AGAP1: variants seen among roughly 807,000 people sequenced by gnomAD.
The protein encoded by AGAP1 is arf-GAP with GTPase, ANK repeat and PH domain-containing protein 1.
In AGAP1, 29 loss-of-function variants were observed where a neutral mutation model predicts 105.3. That is an observed-to-expected ratio of 0.28 (90% CI 0.21 to 0.38). AGAP1 has a LOEUF of 0.38. AGAP1 is among the 10% of genes least tolerant of loss of function. AGAP1 has a pLI of 1.00. For missense variants in AGAP1, 998 were observed against 1,165.1 expected (o/e 0.86, Z 2.09); for synonymous variants, 509 against 485.9 (o/e 1.05, Z -0.63).
intron 1 of AGAP1, among the ~76,000 whole-genome samples, chr2:235,511,072 G>A (rs545367770): frequency 2.6e-4 from 39 of 152,240 alleles, no homozygotes; most frequent in Middle Eastern, 3.4e-3. Context: ...GGCAATTTTC[G>A]GTTTGTTACA....
intron 9 of AGAP1, among the ~76,000 whole-genome samples, chr2:235,811,462 T>G (rs1958136000): frequency 6.6e-6 from 1 of 152,246 alleles, no homozygotes; most frequent in South Asian, 2.1e-4. Flanking sequence ...CGTTGTGTTG[T>G]CTCCTGAGGT....
chr2:236,051,771 A>G lies in AGAP1; in HGVS notation c.2114+2490A>G, dbSNP rs2057906017. On this transcript the variant is annotated intron_variant, in intron 16 of 17. Coordinates refer to ENST00000304032, the MANE Select transcript of AGAP1 (RefSeq NM_001037131.3). The surrounding 1 kb of genome is among the most constrained non-coding windows in gnomAD (Gnocchi z 5.9). ...TGTCCCACCTGTTCCCAAGAGGACTAAAGGCAGCCAGCAAGGTCTGTGTCC... is the reference window on the plus strand; with the variant it reads ...TGTCCCACCTGTTCCCAAGAGGACTGAAGGCAGCCAGCAAGGTCTGTGTCC... Among the ~76,000 whole-genome samples, 1 of 152,158 alleles carries G rather than the reference A, an allele frequency of 6.6e-6. No individual in the cohort carries two copies. Among genetic ancestry groups the G allele is most frequent in the African/African-American group, 2.4e-5 (1 of 41,440 alleles).
intron 12 of AGAP1, among the ~76,000 whole-genome samples, chr2:235,946,376 C>T (rs1190994322): frequency 6.6e-6 from 1 of 151,006 alleles, no homozygotes; most frequent in Non-Finnish European, 1.5e-5. Context: ...GCCTCTTCCT[C>T]CCAGGTTCAA....
chr2:235,925,038 G>A (rs2052377228), intron 11 of AGAP1, among the ~76,000 whole-genome samples: 1 of 152,172 alleles, frequency 6.6e-6, no homozygotes, highest in African/African-American at 2.4e-5. Context: ...TGGAAGTCAG[G>A]GAAGGATGGA....
At position 235,973,421 on chromosome 2, in the gene AGAP1, G is replaced by A. The variant is rs559077055; in HGVS notation, c.1645+4798G>A. ...AGGAGATGTGTGGATGACAGAGCCC[G>A]TCGCTAGGCTCTTATGTCACAGATG... On this transcript the variant is annotated intron_variant, in intron 13 of 17. Transcript: ENST00000304032. The surrounding 1 kb of genome is among the most constrained non-coding windows in gnomAD (Gnocchi z 4.7). Among the ~76,000 whole-genome samples, 10 of 152,318 alleles carry A rather than the reference G, an allele frequency of 6.6e-5. No individual in the cohort carries two copies. The East Asian group carries it at 7.7e-4, about 12-fold the overall frequency.
chr2:235,580,220 AT>A (rs1409352185), intron 1 of AGAP1, among the ~76,000 whole-genome samples: 3 of 151,758 alleles, frequency 2.0e-5, no homozygotes, highest in Non-Finnish European at 2.9e-5. Context: ...GTGTACAGGG[AT>A]TTGCTTGAGT....
Position 235,733,382 on chromosome 2 carries a change from T to C in AGAP1, c.311-7581T>C, listed in dbSNP as rs1200488537. Among the ~76,000 whole-genome samples, 2 of 152,192 alleles carry C rather than the reference T, an allele frequency of 1.3e-5. No individual in the cohort carries two copies. Among genetic ancestry groups the C allele is most frequent in the African/African-American group, 4.8e-5 (2 of 41,458 alleles). ...GGTGAAGTGATGGGGTGTTGTTGGC[T>C]CAGGTTGTAGGAGAGATGAGGAGCC... On this transcript the variant is annotated intron_variant, in intron 3 of 17. Coordinates refer to ENST00000304032, the MANE Select transcript of AGAP1 (RefSeq NM_001037131.3). This position sits in a 1 kb window ranked among gnomAD's most constrained non-coding sequence, Gnocchi z 5.0.
intron 13 of AGAP1, among the ~76,000 whole-genome samples, chr2:236,030,540 A>C (rs1043925919): frequency 6.6e-6 from 1 of 152,186 alleles, no homozygotes; most frequent in Admixed American, 6.5e-5. Flanking sequence ...TTAGGACCTT[A>C]TCTGTTGTGC....
chr2:235,876,194 G>A (rs2049718596), intron 9 of AGAP1, among the ~76,000 whole-genome samples: 1 of 151,992 alleles, frequency 6.6e-6, no homozygotes, highest in Admixed American at 6.5e-5. Flanking sequence ...GTTTTCCTAA[G>A]GTGAACATGA....
At position 236,096,902 on chromosome 2, in the gene AGAP1, A is replaced by G. The variant is rs2059205513; in HGVS notation, c.2115-23290A>G. ...GCCAAATGATGCACTTTTAAACTGA[A>G]GTTTCATCCTTGCCGTATCACGTGG... On this transcript the variant is annotated intron_variant, in intron 16 of 17. Coordinates refer to ENST00000304032, the MANE Select transcript of AGAP1 (RefSeq NM_001037131.3). This position sits in a 1 kb window ranked among gnomAD's most constrained non-coding sequence, Gnocchi z 4.4. Among the ~76,000 whole-genome samples the G allele has an allele frequency of 6.6e-6, 1 of 152,150 alleles. No individual in the cohort carries two copies. Among genetic ancestry groups the G allele is most frequent in the African/African-American group, 2.4e-5 (1 of 41,434 alleles).
In AGAP1 at chr2:236,070,227, C is replaced by T. The variant is rs531838511; in HGVS notation, c.2114+20946C>T. 9.8e-5 allele frequency among the ~76,000 whole-genome samples: 15 copies of T among 152,364 alleles called. 1 individual carries two copies. The South Asian group carries it at 3.1e-3, about 32-fold the overall frequency. ...TAGTTCTCCTTTTGTTCCCAGTTTG[C>T]TCTTGGTTTGGATTTGGCATCAGGG... On this transcript the variant is annotated intron_variant, in intron 16 of 17. Coordinates refer to ENST00000304032, the MANE Select transcript of AGAP1 (RefSeq NM_001037131.3).
intron 1 of AGAP1, among the ~76,000 whole-genome samples, chr2:235,651,577 G>A (rs1212437186): frequency 6.6e-6 from 1 of 152,182 alleles, no homozygotes; most frequent in Non-Finnish European, 1.5e-5. Flanking sequence ...AAACAGTGAT[G>A]TCGACGACGT....
At chr2:235,786,617 G>A (rs1053110933) in intron 6 of AGAP1, among the ~76,000 whole-genome samples, 9 of 152,142 alleles carry the variant, frequency 5.9e-5, no homozygotes, top group African/African-American at 2.2e-4. Flanking sequence ...GATTGTTGTA[G>A]GGGTAATTAT....
At chr2:235,779,867 T>C in intron 6 of AGAP1, among the ~76,000 whole-genome samples, 1 of 152,342 alleles carries the variant, frequency 6.6e-6, no homozygotes, top group African/African-American at 2.4e-5. Flanking sequence ...CCGGGACCCC[T>C]GGTAGCTGCT....
rs1007896353 is a variant in AGAP1, at chr2:235,930,416, C to T, written c.1325-349C>T. Reference sequence around the variant, plus strand: ...TGGAGCCCCCATCTTGCCGGCCTGCCGGATCGCGGTGTCTCTGCTAAGACT... The same window carrying T: ...TGGAGCCCCCATCTTGCCGGCCTGCTGGATCGCGGTGTCTCTGCTAAGACT... On this transcript the variant is annotated intron_variant, in intron 11 of 17. Coordinates refer to ENST00000304032, the MANE Select transcript of AGAP1 (RefSeq NM_001037131.3). This position sits in a 1 kb window ranked among gnomAD's most constrained non-coding sequence, Gnocchi z 7.9. Among the ~76,000 whole-genome samples the T allele has an allele frequency of 1.3e-5, 2 of 152,202 alleles. No homozygotes were observed. Among genetic ancestry groups the T allele is most frequent in the Non-Finnish European group, 2.9e-5 (2 of 68,044 alleles).
chr2:235,878,279 T>A (rs932991082), intron 9 of AGAP1, among the ~76,000 whole-genome samples: 5 of 152,140 alleles, frequency 3.3e-5, no homozygotes, highest in African/African-American at 1.2e-4. Context: ...AATGCAAAAA[T>A]GTATACCTGT....
chr2:236,122,680 A>ATT (rs71039713), intron 17 of AGAP1, among the ~76,000 whole-genome samples: 2,991 of 123,576 alleles, frequency 0.024, 239 homozygotes, highest in African/African-American at 0.087. Flanking sequence ...TCCAGTGACA[A>ATT]TTTTTTTTTT....
chr2:235,523,789 A>G (rs913347585), intron 1 of AGAP1, among the ~76,000 whole-genome samples: 2 of 145,662 alleles, frequency 1.4e-5, no homozygotes, highest in Admixed American at 1.4e-4. Flanking sequence ...GTGGGATTGC[A>G]TCTGCTTCCC....
At position 235,659,086 on chromosome 2, in the gene AGAP1, G is replaced by A. The variant is rs1881187; in HGVS notation, c.164-50093G>A. Among the ~76,000 whole-genome samples the A allele has an allele frequency of 0.74, 112,799 of 152,010 alleles. 42,962 individuals are homozygous for A. Among genetic ancestry groups the A allele is most frequent in the African/African-American group, 0.92 (38,080 of 41,504 alleles). ...CTTCCACGCCAGCCTCCTTTTGCAA[G>A]TCCACCTGCCGTTCTGGGCTTGCCC... is the stretch of plus-strand genomic sequence containing the variant. On this transcript the variant is annotated intron_variant, in intron 1 of 17. Transcript: ENST00000304032. The surrounding 1 kb of genome is among the most constrained non-coding windows in gnomAD (Gnocchi z 5.0).
Sources: allele counts gnomAD v4.1 joint callset (sites outside exome capture counted in the v4.1 genomes callset), GRCh38; gene constraint gnomAD v4.1.1; non-coding constraint Gnocchi (gnomAD v3.1); transcripts MANE v1.5; gene names NCBI Gene and HGNC (gene_info 2026-07-23, HGNC 2026-07-21).